Variants in TENT4A observed in about 807,000 individuals in gnomAD.
TENT4A encodes terminal nucleotidyltransferase 4A.
Under a neutral mutation model 72.8 loss-of-function variants are expected in TENT4A, and 7 were observed. The ratio of observed to expected loss-of-function variants is 0.10; its 90% CI spans 0.05 to 0.18. TENT4A has a LOEUF of 0.18. TENT4A is among the 10% of genes least tolerant of loss of function. The probability of loss-of-function intolerance (pLI) is 1.00; values close to 1 mark genes in which losing one functional copy is unlikely to be tolerated. For synonymous variants in TENT4A, 456 were observed against 434.3 expected (o/e 1.05, Z -0.62); for missense variants, 831 against 1,017.7 (o/e 0.82, Z 2.50).
chr5:6,724,601 A>T (rs1740817886), intron 1 of TENT4A, among the ~76,000 whole-genome samples: 2 of 152,246 alleles, frequency 1.3e-5, no homozygotes, highest in South Asian at 4.1e-4. Flanking sequence ...AATCTATGGG[A>T]ACTATTCAGG....
At chr5:6,753,851 C>T (rs1410971777) in intron 12 of TENT4A, among the ~76,000 whole-genome samples, 1 of 152,366 alleles carries the variant, frequency 6.6e-6, no homozygotes, top group Admixed American at 6.5e-5. Flanking sequence ...ATTTATCCAT[C>T]CCCGATAGAC....
intron 6 of TENT4A, among the ~76,000 whole-genome samples, chr5:6,744,436 A>G (rs1461949201): frequency 1.3e-5 from 2 of 152,234 alleles, no homozygotes; most frequent in Non-Finnish European, 2.9e-5. Flanking sequence ...AACAGTAATT[A>G]TTCCGTTTAT....
rs1160283868 is a variant in TENT4A at position 6,751,058 on chromosome 5, G to A, written c.1880G>A (p.Cys627Tyr). 1 of 1,614,168 alleles carries A rather than the reference G, an allele frequency of 6.2e-7. No homozygotes were observed. The highest frequency in any genetic ancestry group is 1.7e-5 in the Admixed American group (1 of 60,020). ...TTCAAGGATTCAGACACACCGCCCT[G>A]CACAACGCCCAGTGTTTACCAGTTC... ...GSDVDSDTPP[C>Y]TTPSVYQFSL... The change falls in exon 11 of 13, where the codon TGC becomes TAC. Residue 627 changes from cysteine (C) to tyrosine (Y), a missense_variant. Transcript: ENST00000230859.
At chr5:6,751,694 T>C (rs1352701365) in intron 11 of TENT4A, among the ~76,000 whole-genome samples, 2 of 152,234 alleles carry the variant, frequency 1.3e-5, no homozygotes, top group Admixed American at 1.3e-4. Flanking sequence ...TTAGATAAAA[T>C]TAGAAATCTA....
rs1201041226 is a variant in TENT4A, at chr5:6,756,980, T to TA, written c.*2039dup. On this transcript the variant is annotated 3_prime_UTR_variant, in exon 13 of 13. Coordinates refer to ENST00000230859, the MANE Select transcript of TENT4A (RefSeq NM_006999.6). ...TGTGTGTGGACAACAATATGGAAGCTAAAATTGACATATTTTTATGTAAAG... is the reference window on the plus strand; with the variant it reads ...TGTGTGTGGACAACAATATGGAAGCTAAAAATTGACATATTTTTATGTAAAG... The TA allele has an allele frequency of 1.3e-5, 2 of 152,662 alleles. No homozygotes were observed. The highest frequency in any genetic ancestry group is 4.8e-5 in the African/African-American group (2 of 41,462). The allele number at this position is 152,662 out of a possible 1,614,324, so 9.5% of individuals were successfully genotyped here. A position where few individuals can be genotyped will look rare whatever the true frequency, so the allele number is the denominator to read the frequency against.
chr5:6,743,995 C>T (rs1269252793), intron 6 of TENT4A, among the ~76,000 whole-genome samples, 155 bp downstream of exon 6: 2 of 152,176 alleles, frequency 1.3e-5, no homozygotes, highest in Non-Finnish European at 2.9e-5. Context: ...CAATCAAACC[C>T]TCTTGATTAA....
rs543035198 is a variant in TENT4A at position 6,752,343 on chromosome 5, C to T, written c.2020-530C>T. On this transcript the variant is annotated intron_variant, in intron 11 of 12. Transcript: ENST00000230859. ...TCCAGAGGTTGTTGGGGTAAATGCA[C>T]GGGATGCCAAGATGCAACCAGGTCA... Among the ~76,000 whole-genome samples, 12 of 152,346 alleles carry T rather than the reference C, an allele frequency of 7.9e-5. No homozygotes were observed. In the South Asian group the frequency reaches 8.3e-4, roughly 11 times the overall value.
chr5:6,723,513 C>T (rs1373218690), intron 1 of TENT4A, among the ~76,000 whole-genome samples: 1 of 152,192 alleles, frequency 6.6e-6, no homozygotes, highest in Non-Finnish European at 1.5e-5. Context: ...AAACTGAAGC[C>T]TTGACAGTCT....
At chr5:6,749,432 CCTTTCCTA>C (rs1392524003) in intron 8 of TENT4A, 117 bp from the exon 9 acceptor site, 31 of 644,048 alleles carry the variant, frequency 4.8e-5, no homozygotes, top group Admixed American at 7.8e-5. Flanking sequence ...TATTTTAGCT[CCTTTCCTA>C]CTGTCCTTCA....
chr5:6,754,116 G>A (rs1233010046), intron 12 of TENT4A, among the ~76,000 whole-genome samples: 3 of 152,246 alleles, frequency 2.0e-5, no homozygotes, highest in Non-Finnish European at 4.4e-5. Context: ...CGTGTGACTT[G>A]CTTGGTTCTT....
chr5:6,722,328 C>A (rs573544984), intron 1 of TENT4A, among the ~76,000 whole-genome samples: 23 of 152,122 alleles, frequency 1.5e-4, no homozygotes, highest in Non-Finnish European at 2.8e-4. Flanking sequence ...AAAATTAAGT[C>A]CTTCTTGCCA....
chr5:6,718,658 A>G (rs1327513847), intron 1 of TENT4A, among the ~76,000 whole-genome samples: 3 of 152,232 alleles, frequency 2.0e-5, no homozygotes, highest in Non-Finnish European at 1.5e-5. Flanking sequence ...AGTTAATTTC[A>G]TCAATTAACT....
chr5:6,726,457 G>A (rs1430016500), intron 1 of TENT4A, among the ~76,000 whole-genome samples: 1 of 152,148 alleles, frequency 6.6e-6, no homozygotes, highest in African/African-American at 2.4e-5. Context: ...CCTCTGGTCA[G>A]CTCAGTCCTG....
At chr5:6,747,696 A>G (rs1167154418) in intron 7 of TENT4A, among the ~76,000 whole-genome samples, 1 of 152,168 alleles carries the variant, frequency 6.6e-6, no homozygotes, top group East Asian at 1.9e-4. Flanking sequence ...AAAAACAAAG[A>G]CCCACATAAT....
rs573124058 is a variant in TENT4A, at chr5:6,743,983, T to TA, written c.1245+144dup. The TA allele has an allele frequency of 1.3e-4, 96 of 744,538 alleles. No individual in the cohort carries two copies. In the African/African-American group the frequency reaches 1.4e-3, roughly 11 times the overall value. The allele number at this position is 744,538 out of a possible 1,614,324, so 46.1% of individuals were successfully genotyped here. ...TTGGTAGAGGCTGATTTCTGATTCTTACAATCAAACCCTCTTGATTAATGC... is the reference window on the plus strand; with the variant it reads ...TTGGTAGAGGCTGATTTCTGATTCTTAACAATCAAACCCTCTTGATTAATGC... On this transcript the variant is annotated intron_variant, in intron 6 of 12. Coordinates refer to ENST00000230859, the MANE Select transcript of TENT4A (RefSeq NM_006999.6).
rs914961436 is a variant in TENT4A, at chr5:6,756,767, A to G, written c.*1822A>G. ...CTACGCATTAGCAATATTGACTGTA[A>G]ACCCACATTAAGGAAACCACTACGG... On this transcript the variant is annotated 3_prime_UTR_variant, in exon 13 of 13. Transcript: ENST00000230859. 8 of 152,612 alleles carry G rather than the reference A, an allele frequency of 5.2e-5. No individual in the cohort carries two copies. Among genetic ancestry groups the G allele is most frequent in the African/African-American group, 1.9e-4 (8 of 41,450 alleles). 9.5% of individuals were successfully genotyped at this position (152,612 alleles called of 1,614,324 possible). A position where few individuals can be genotyped will look rare whatever the true frequency, so the allele number is the denominator to read the frequency against.
At chr5:6,718,756 C>T (rs1222752988) in intron 1 of TENT4A, among the ~76,000 whole-genome samples, 1 of 152,204 alleles carries the variant, frequency 6.6e-6, no homozygotes, top group East Asian at 1.9e-4. Flanking sequence ...AATTGAAAAT[C>T]GAGTGCAAGA....
intron 1 of TENT4A, among the ~76,000 whole-genome samples, chr5:6,728,840 G>A (rs76465103): frequency 0.019 from 2,859 of 152,352 alleles, 36 homozygotes; most frequent in South Asian, 0.049. Context: ...TAAAAGCAAT[G>A]ATGACTTATT....
rs187036731 is a variant in TENT4A at position 6,736,493 on chromosome 5, A to C, written c.717-1017A>C. Among the ~76,000 whole-genome samples the C allele has an allele frequency of 1.9e-4, 29 of 152,356 alleles. No individual in the cohort carries two copies. In the East Asian group the frequency reaches 2.9e-3, roughly 15 times the overall value. On this transcript the variant is annotated intron_variant, in intron 1 of 12. Coordinates refer to ENST00000230859, the MANE Select transcript of TENT4A (RefSeq NM_006999.6). The stretch of plus-strand genomic sequence containing the variant: ...TGATTTGTTATAATTCCTAGGAGTC[A>C]TAGAATGGAAGCAGGTGAGTTTGAT...
Sources: gnomAD v4.1 joint callset for allele counts (sites outside exome capture counted in the v4.1 genomes callset) on GRCh38, gnomAD v4.1.1 for gene constraint, MANE v1.5 for transcripts, NCBI Gene and HGNC (gene_info 2026-07-23, HGNC 2026-07-21) for gene names.